Variants in RNFT2 observed in about 807,000 individuals in gnomAD.
RNFT2 encodes ring finger protein, transmembrane 2.
Under a neutral mutation model 53.0 loss-of-function variants are expected in RNFT2, and 36 were observed. The ratio of observed to expected loss-of-function variants is 0.68; its 90% CI spans 0.52 to 0.90. The LOEUF is 0.90. RNFT2 is among the 40% of genes least tolerant of loss of function. RNFT2 has a pLI of 0.00. For missense variants in RNFT2, 514 were observed against 585.6 expected, an observed-to-expected ratio of 0.88 and a Z score of 1.26; for synonymous variants, 260 against 253.2, an observed-to-expected ratio of 1.03 and a Z score of -0.26.
rs1329358314 is a variant in RNFT2, at chr12:116,850,104, C to G, written c.*656C>G. ...AAATGATCAGCTCGCCTCAGCCTCACGAAGTGCTGGGATTACAGGCATGAG... is the reference window on the plus strand; with the variant it reads ...AAATGATCAGCTCGCCTCAGCCTCAGGAAGTGCTGGGATTACAGGCATGAG... On this transcript the variant is annotated 3_prime_UTR_variant, in exon 11 of 11. Transcript: ENST00000257575. The G allele has an allele frequency of 1.3e-5, 2 of 150,550 alleles. No individual in the cohort carries two copies. Among genetic ancestry groups the G allele is most frequent in the Non-Finnish European group, 2.9e-5 (2 of 67,958 alleles). 9.3% of individuals were successfully genotyped at this position (150,550 alleles called of 1,614,324 possible).
chr12:116,741,214 G>T (rs1360711174), intron 3 of RNFT2, 120 bp downstream of exon 3: 7 of 749,370 alleles, frequency 9.3e-6, no homozygotes, highest in African/African-American at 1.7e-5. Flanking sequence ...CACACTGATG[G>T]CCTCATACTA....
At chr12:116,809,671 A>G (rs1432823392) in intron 7 of RNFT2, among the ~76,000 whole-genome samples, 2 of 151,986 alleles carry the variant, frequency 1.3e-5, no homozygotes, top group East Asian at 3.9e-4. Flanking sequence ...AGACCCAGAA[A>G]GACCTTTTCT....
intron 5 of RNFT2, among the ~76,000 whole-genome samples, chr12:116,763,002 A>C (rs890128384): frequency 6.6e-6 from 1 of 152,132 alleles, no homozygotes; most frequent in African/African-American, 2.4e-5. Context: ...GGATTGCTTG[A>C]TCCCAGGAGT....
chr12:116,838,985 G>C (rs961532496), intron 10 of RNFT2, among the ~76,000 whole-genome samples: 14 of 152,250 alleles, frequency 9.2e-5, no homozygotes, highest in Admixed American at 8.5e-4. Flanking sequence ...TAGGTAAATG[G>C]GTCATGCTGA....
At chr12:116,745,954 C>T (rs1010513255) in intron 3 of RNFT2, among the ~76,000 whole-genome samples, 1 of 151,874 alleles carries the variant, frequency 6.6e-6, no homozygotes, top group South Asian at 2.1e-4. Context: ...TAGCGGGGGG[C>T]AGTGGGGAAT....
At chr12:116,821,407 T>A (rs1876015704) in intron 7 of RNFT2, among the ~76,000 whole-genome samples, 1 of 152,212 alleles carries the variant, frequency 6.6e-6, no homozygotes, top group Non-Finnish European at 1.5e-5. Context: ...AGCCCAGCCC[T>A]TCAAGCCTCC....
At chr12:116,803,149 G>A (rs1359132577) in intron 7 of RNFT2, among the ~76,000 whole-genome samples, 1 of 152,058 alleles carries the variant, frequency 6.6e-6, no homozygotes, top group African/African-American at 2.4e-5. Context: ...GTATTTGTCA[G>A]AGAAGGAAGT....
At chr12:116,841,522 C>T (rs187899097) in intron 10 of RNFT2, among the ~76,000 whole-genome samples, 8,548 of 150,056 alleles carry the variant, frequency 0.057, 572 homozygotes, top group African/African-American at 0.15. Context: ...GTGAGGCAGG[C>T]GGATCACCTG....
At chr12:116,849,223 C>A in intron 10 of RNFT2, 91 bp from the exon 11 acceptor site, 1 of 1,068,870 alleles carries the variant, frequency 9.4e-7, no homozygotes, top group South Asian at 1.6e-5. Context: ...CAGGGGTTGT[C>A]TGTCTAGTCC....
intron 3 of RNFT2, chr12:116,748,785 G>A (rs1036122037): frequency 2.4e-5 from 9 of 376,034 alleles, no homozygotes; most frequent in Admixed American, 9.2e-5. Context: ...CCTTTTCAAC[G>A]AAGTGTGCTG....
intron 7 of RNFT2, among the ~76,000 whole-genome samples, chr12:116,788,089 A>C (rs1293089929): frequency 6.6e-6 from 1 of 152,034 alleles, no homozygotes; most frequent in Non-Finnish European, 1.5e-5. Flanking sequence ...CACCACACCC[A>C]GCTAATTTTA....
chr12:116,755,512 C>G (rs1408028726), intron 5 of RNFT2: 8 of 878,568 alleles, frequency 9.1e-6, no homozygotes, highest in Admixed American at 1.7e-5. Flanking sequence ...AGGTACCTTT[C>G]TCTTCCGCTT....
chr12:116,765,533 C>T (rs1872870715), intron 5 of RNFT2, among the ~76,000 whole-genome samples: 1 of 152,098 alleles, frequency 6.6e-6, no homozygotes, highest in African/African-American at 2.4e-5. Flanking sequence ...GCAGCCACTC[C>T]AGTCTGAAAA....
intron 7 of RNFT2, among the ~76,000 whole-genome samples, chr12:116,831,432 A>G (rs967388645): frequency 3.3e-5 from 5 of 152,170 alleles, no homozygotes; most frequent in African/African-American, 1.2e-4. Flanking sequence ...TCTTCACCAT[A>G]AAGTTGCTAT....
intron 7 of RNFT2, among the ~76,000 whole-genome samples, chr12:116,808,346 T>G (rs527695906): frequency 1.9e-4 from 29 of 152,356 alleles, no homozygotes; most frequent in Admixed American, 1.6e-3. Context: ...TGCCTTGGCC[T>G]CCCAATGTGC....
chr12:116,801,942 C>T (rs1305194680), intron 7 of RNFT2, among the ~76,000 whole-genome samples: 1 of 152,122 alleles, frequency 6.6e-6, no homozygotes, highest in Admixed American at 6.6e-5. Context: ...CTGCCTCAGC[C>T]TCCTGAGCAG....
chr12:116,800,859 A>AT, intron 7 of RNFT2, among the ~76,000 whole-genome samples: 2 of 138,308 alleles, frequency 1.4e-5, no homozygotes, highest in African/African-American at 5.8e-5. Context: ...AAAATAAAAT[A>AT]AAAACCATTT....
In RNFT2 at chr12:116,812,929, T is replaced by C. The variant is rs568909248; in HGVS notation, c.883-20863T>C. The stretch of plus-strand genomic sequence containing the variant: ...GCCATTCAGAGGCAAGGGAGTCCTT[T>C]GGTTTTCTGTTTTGTTTTGTCATTT... On this transcript the variant is annotated intron_variant, in intron 7 of 10. Transcript: ENST00000257575. Among the ~76,000 whole-genome samples, 142 of 151,852 alleles carry C rather than the reference T, an allele frequency of 9.4e-4. 1 individual carries two copies. Among genetic ancestry groups the C allele is most frequent in the African/African-American group, 3.4e-3 (140 of 41,424 alleles).
intron 7 of RNFT2, among the ~76,000 whole-genome samples, chr12:116,832,146 AAAAT>A (rs1188455339): frequency 2.8e-5 from 2 of 71,096 alleles, no homozygotes; most frequent in African/African-American, 5.1e-5. Flanking sequence ...AAAAAAAAAA[AAAAT>A]ATATATATAT....
Sources: allele counts gnomAD v4.1 joint callset (sites outside exome capture counted in the v4.1 genomes callset), GRCh38; gene constraint gnomAD v4.1.1; transcripts MANE v1.5; gene names NCBI Gene and HGNC (gene_info 2026-07-23, HGNC 2026-07-21).